GRAMD2B: variants seen among roughly 807,000 people sequenced by gnomAD.
The protein encoded by GRAMD2B is GRAM domain-containing protein 2B.
Under a neutral mutation model 59.2 loss-of-function variants are expected in GRAMD2B, and 41 were observed. The observed-to-expected ratio is 0.69, with a 90% CI of 0.54 to 0.90. The LOEUF is 0.90. Ranked by LOEUF, GRAMD2B falls within the 40% of genes least tolerant of loss-of-function variation. GRAMD2B has a pLI of 0.00. For missense variants in GRAMD2B, 424 were observed against 500.5 expected (o/e 0.85, Z 1.46); for synonymous variants, 161 against 182.7 (o/e 0.88, Z 0.96).
At chr5:126,398,952 A>C (rs1202311760) in intron 1 of GRAMD2B, among the ~76,000 whole-genome samples, 2 of 152,186 alleles carry the variant, frequency 1.3e-5, no homozygotes, top group African/African-American at 4.8e-5. Context: ...TTGTGGTTGG[A>C]AAAGATTCTT....
At chr5:126,397,126 G>A (rs1757424504) in intron 1 of GRAMD2B, among the ~76,000 whole-genome samples, 1 of 152,120 alleles carries the variant, frequency 6.6e-6, no homozygotes, top group Admixed American at 6.5e-5. Context: ...CATTCTGTAG[G>A]TTGTCTGTTC....
intron 1 of GRAMD2B, among the ~76,000 whole-genome samples, chr5:126,450,177 C>T (rs576651237): frequency 6.6e-6 from 1 of 152,046 alleles, no homozygotes; most frequent in East Asian, 1.9e-4. Flanking sequence ...GCTCTTCTTT[C>T]AGGGGCTTAG....
chr5:126,488,014 A>G (rs1323445549), intron 12 of GRAMD2B, among the ~76,000 whole-genome samples: 4 of 152,184 alleles, frequency 2.6e-5, no homozygotes, highest in Non-Finnish European at 5.9e-5. Flanking sequence ...GCTGATGGCA[A>G]TGGTCTGAGC....
chr5:126,369,603 A>G (rs2149689244), upstream of GRAMD2B, among the ~76,000 whole-genome samples: 1 of 152,250 alleles, frequency 6.6e-6, no homozygotes, highest in East Asian at 1.9e-4. Flanking sequence ...ATTTTTTAAA[A>G]CTTTTTATAT....
chr5:126,466,403 C>T, intron 2 of GRAMD2B: 4 of 754,906 alleles, frequency 5.3e-6, no homozygotes, highest in South Asian at 1.5e-5. Context: ...CTCCATCTTT[C>T]CTGCATGCTG....
chr5:126,394,007 G>A (rs770899766), intron 1 of GRAMD2B, among the ~76,000 whole-genome samples: 7 of 152,106 alleles, frequency 4.6e-5, no homozygotes, highest in Non-Finnish European at 1.0e-4. Flanking sequence ...AGGCGCGGTG[G>A]CTCACACCTG....
chr5:126,391,256 G>A (rs957754894), intron 1 of GRAMD2B, among the ~76,000 whole-genome samples: 13 of 139,766 alleles, frequency 9.3e-5, no homozygotes, highest in East Asian at 2.2e-4. Context: ...CAGGAGAATC[G>A]CTTGAACCCA....
At chr5:126,366,846 C>CTT (rs59718576), upstream of GRAMD2B, among the ~76,000 whole-genome samples, 12 of 107,676 alleles carry the variant, frequency 1.1e-4, no homozygotes, top group African/African-American at 1.4e-4. Context: ...CAGACCAAGG[C>CTT]TTTTTTTTTT....
chr5:126,383,215 T>C (rs1213832331), intron 1 of GRAMD2B, among the ~76,000 whole-genome samples: 1 of 152,256 alleles, frequency 6.6e-6, no homozygotes, highest in Non-Finnish European at 1.5e-5. Flanking sequence ...CTTTTGATTT[T>C]TGAACAGATA....
chr5:126,396,945 C>T (rs1237277587), intron 1 of GRAMD2B, among the ~76,000 whole-genome samples: 1 of 152,036 alleles, frequency 6.6e-6, no homozygotes, highest in Non-Finnish European at 1.5e-5. Flanking sequence ...ACCTTTTTTT[C>T]ACATGATTCT....
intron 10 of GRAMD2B, 89 bp from the exon 11 acceptor site, chr5:126,485,597 A>G: frequency 2.9e-6 from 2 of 693,914 alleles, no homozygotes; most frequent in Non-Finnish European, 4.9e-6. Context: ...GGGAACAATT[A>G]CCTCTCTCAA....
chr5:126,458,517 C>A (rs948211646), intron 1 of GRAMD2B, among the ~76,000 whole-genome samples: 1 of 151,746 alleles, frequency 6.6e-6, no homozygotes, highest in Non-Finnish European at 1.5e-5. Flanking sequence ...CATCTTTGTA[C>A]GTTCATGGAT....
At chr5:126,389,658 T>C (rs1756528347) in intron 1 of GRAMD2B, among the ~76,000 whole-genome samples, 1 of 152,200 alleles carries the variant, frequency 6.6e-6, no homozygotes, top group African/African-American at 2.4e-5. Flanking sequence ...TTAATATTTG[T>C]TAAATTGCGC....
chr5:126,374,664 A>C (rs972128866), intron 1 of GRAMD2B, among the ~76,000 whole-genome samples: 2 of 152,200 alleles, frequency 1.3e-5, no homozygotes, highest in African/African-American at 4.8e-5. Flanking sequence ...TTTTCCTTTC[A>C]AACTAGGATT....
intron 1 of GRAMD2B, among the ~76,000 whole-genome samples, chr5:126,406,774 G>A (rs912627951): frequency 2.0e-5 from 3 of 151,920 alleles, no homozygotes; most frequent in African/African-American, 7.2e-5. Context: ...TTTTTACTGT[G>A]GAAGAGTCAG....
chr5:126,391,826 G>A lies in GRAMD2B; in HGVS notation c.125+20259G>A, dbSNP rs1482077924. 2.4e-4 allele frequency among the ~76,000 whole-genome samples: 37 copies of A among 151,986 alleles called. 1 individual carries two copies. Among genetic ancestry groups the A allele is most frequent in the Non-Finnish European group, 2.9e-5 (2 of 67,984 alleles). On this transcript the variant is annotated intron_variant, in intron 1 of 8. Coordinates refer to the GRAMD2B transcript ENST00000506445. ...GATGAAAATGTTCTAGAATTGGTGG[G>A]GAAAGTTACACAATTCTGTTTGTGG... is the stretch of plus-strand genomic sequence containing the variant.
At chr5:126,368,729 T>C (rs1013133054), upstream of GRAMD2B, among the ~76,000 whole-genome samples, 1 of 152,220 alleles carries the variant, frequency 6.6e-6, no homozygotes, top group Non-Finnish European at 1.5e-5. Flanking sequence ...CTCTAGACTT[T>C]CAGAAAATCT....
chr5:126,412,486 G>C (rs1042549998), intron 1 of GRAMD2B, among the ~76,000 whole-genome samples: 1 of 151,876 alleles, frequency 6.6e-6, no homozygotes, highest in Non-Finnish European at 1.5e-5. Context: ...ATTACCTTTT[G>C]GATGTGCAGC....
intron 1 of GRAMD2B, among the ~76,000 whole-genome samples, chr5:126,375,520 C>T (rs1412218141): frequency 1.3e-5 from 2 of 151,972 alleles, no homozygotes; most frequent in Non-Finnish European, 2.9e-5. Context: ...CAGGCGCCTG[C>T]CACCACACCT....
Sources: allele counts gnomAD v4.1 joint callset (sites outside exome capture counted in the v4.1 genomes callset), GRCh38; gene constraint gnomAD v4.1.1; transcripts MANE v1.5; gene names NCBI Gene and HGNC (gene_info 2026-07-23, HGNC 2026-07-21).